ADAMTS12: variants seen among roughly 807,000 people sequenced by gnomAD.
ADAMTS12 encodes A disintegrin and metalloproteinase with thrombospondin motifs 12.
Under a neutral mutation model 167.8 loss-of-function variants are expected in ADAMTS12, and 118 were observed. The observed-to-expected ratio is 0.70, with a 90% CI of 0.61 to 0.82. The LOEUF is 0.82. Among genes scored for constraint, ADAMTS12 ranks in the 40% least tolerant of loss-of-function variants. The pLI is 0.00. For missense variants in ADAMTS12, 1,916 were observed against 1,998.8 expected (o/e 0.96, Z 0.79); for synonymous variants, 704 against 716.9 (o/e 0.98, Z 0.29).
chr5:33,867,949 T>TA (rs1178979997), intron 2 of ADAMTS12, among the ~76,000 whole-genome samples: 2 of 152,124 alleles, frequency 1.3e-5, no homozygotes, highest in Non-Finnish European at 2.9e-5. Context: ...GGTCTCATGA[T>TA]AGGGAGTTGA....
intron 3 of ADAMTS12, among the ~76,000 whole-genome samples, chr5:33,706,817 G>T (rs186196377): frequency 5.9e-5 from 9 of 152,182 alleles, no homozygotes; most frequent in Admixed American, 5.9e-4. Context: ...AATAATAAGA[G>T]CTACTTATGA....
chr5:33,837,434 T>A (rs1748574342), intron 2 of ADAMTS12, among the ~76,000 whole-genome samples: 1 of 152,222 alleles, frequency 6.6e-6, no homozygotes, highest in Non-Finnish European at 1.5e-5. Context: ...GAGAAAGTCC[T>A]CATAAGCACT....
intron 2 of ADAMTS12, among the ~76,000 whole-genome samples, chr5:33,778,661 T>C (rs553902947): frequency 7.4e-4 from 112 of 151,544 alleles, no homozygotes; most frequent in Non-Finnish European, 1.3e-3. Context: ...AAGGTGAAAA[T>C]AGAGAAATTG....
chr5:33,537,254 A>G (rs1744463356), intron 22 of ADAMTS12, among the ~76,000 whole-genome samples: 1 of 152,242 alleles, frequency 6.6e-6, no homozygotes, highest in Admixed American at 6.5e-5. Flanking sequence ...ACTGTAAAGA[A>G]GAGGTTAACA....
intron 3 of ADAMTS12, among the ~76,000 whole-genome samples, chr5:33,721,961 A>G (rs947014393): frequency 2.0e-5 from 3 of 152,228 alleles, no homozygotes; most frequent in African/African-American, 4.8e-5. Context: ...ATAAATAAGC[A>G]GCAGGATCGG....
intron 2 of ADAMTS12, among the ~76,000 whole-genome samples, chr5:33,806,913 C>T (rs1366512825): frequency 2.0e-5 from 3 of 152,186 alleles, no homozygotes; most frequent in Non-Finnish European, 1.5e-5. Context: ...TGGCTCCTGC[C>T]CGCACTCTAA....
At position 33,724,524 on chromosome 5, in the gene ADAMTS12, G is replaced by A. The variant is rs77683070; in HGVS notation, c.634+26880C>T. Among the ~76,000 whole-genome samples the A allele has an allele frequency of 9.1e-3, 1,386 of 151,498 alleles. 18 individuals carry two copies. Among genetic ancestry groups the A allele is most frequent in the African/African-American group, 0.032 (1,325 of 41,310 alleles). ...AGACTGAGGACTTTGTAAACAGCTT[G>A]GTCATCAAGGCTAACAGCTTCTTTT... On this transcript the variant is annotated intron_variant, in intron 3 of 23. Coordinates refer to ENST00000504830, the MANE Select transcript of ADAMTS12 (RefSeq NM_030955.4).
chr5:33,764,315 C>T (rs1344627175), intron 2 of ADAMTS12, among the ~76,000 whole-genome samples: 1 of 152,172 alleles, frequency 6.6e-6, no homozygotes, highest in Non-Finnish European at 1.5e-5. Context: ...GGAACTATAT[C>T]TGAATATGTC....
chr5:33,866,787 A>C (rs1251304079), intron 2 of ADAMTS12, among the ~76,000 whole-genome samples: 2 of 152,142 alleles, frequency 1.3e-5, no homozygotes, highest in Non-Finnish European at 2.9e-5. Context: ...GGCATATGAA[A>C]TGAACAGACA....
At position 33,625,453 on chromosome 5, in the gene ADAMTS12, A is replaced by T. The variant is rs1739541311; in HGVS notation, c.2023-1102T>A. Among the ~76,000 whole-genome samples, 3 of 152,224 alleles carry T rather than the reference A, an allele frequency of 2.0e-5. No individual in the cohort carries two copies. The South Asian group carries it at 6.2e-4, about 32-fold the overall frequency. ...AGCTTGAGCACCCTCTAATAAGCTG[A>T]CATCTACAACCACATTCCCAGTGGC... is the stretch of plus-strand genomic sequence containing the variant. On this transcript the variant is annotated intron_variant, in intron 13 of 23. Transcript: ENST00000504830.
At chr5:33,637,436 T>G in intron 12 of ADAMTS12, 141 bp downstream of exon 12, 1 of 803,494 alleles carries the variant, frequency 1.2e-6, no homozygotes, top group Non-Finnish European at 1.9e-6. Flanking sequence ...GGTCAGTGTT[T>G]CCATCTTCTA....
intron 2 of ADAMTS12, among the ~76,000 whole-genome samples, chr5:33,876,817 T>C (rs2111757773): frequency 6.6e-6 from 1 of 152,372 alleles, no homozygotes; most frequent in Non-Finnish European, 1.5e-5. Context: ...GCTGTGATAC[T>C]GTGCAGTAAT....
chr5:33,697,794 A>AGC (rs1742839411), intron 3 of ADAMTS12, among the ~76,000 whole-genome samples: 2 of 151,338 alleles, frequency 1.3e-5, no homozygotes, highest in Non-Finnish European at 3.0e-5. Context: ...GATTATACGA[A>AGC]CTGACCCCGG....
At chr5:33,799,325 T>A (rs773029353) in intron 2 of ADAMTS12, among the ~76,000 whole-genome samples, 2 of 152,222 alleles carry the variant, frequency 1.3e-5, no homozygotes, top group Non-Finnish European at 2.9e-5. Context: ...CCACAGGACC[T>A]AAATATACTC....
chr5:33,879,986 C>T (rs1750370951), intron 2 of ADAMTS12, among the ~76,000 whole-genome samples: 2 of 152,214 alleles, frequency 1.3e-5, no homozygotes, highest in African/African-American at 2.4e-5. Flanking sequence ...CGGACTCCTC[C>T]ATAACCACTT....
intron 14 of ADAMTS12, among the ~76,000 whole-genome samples, chr5:33,618,377 A>G (rs143170016): frequency 6.6e-6 from 1 of 152,342 alleles, no homozygotes; most frequent in Non-Finnish European, 1.5e-5. Flanking sequence ...GCAGAAATTC[A>G]TTGCAATTTC....
At chr5:33,769,382 G>A (rs1315788705) in intron 2 of ADAMTS12, among the ~76,000 whole-genome samples, 3 of 152,104 alleles carry the variant, frequency 2.0e-5, no homozygotes. Flanking sequence ...ACCAGAATTG[G>A]GTGCCAGCTC....
intron 3 of ADAMTS12, among the ~76,000 whole-genome samples, chr5:33,737,524 T>A (rs1324480668): frequency 6.6e-6 from 1 of 152,204 alleles, no homozygotes; most frequent in Non-Finnish European, 1.5e-5. Flanking sequence ...ATACAAACAC[T>A]ATTGAACTGT....
intron 2 of ADAMTS12, among the ~76,000 whole-genome samples, chr5:33,761,424 T>C (rs1351331024): frequency 1.3e-5 from 2 of 152,212 alleles, no homozygotes; most frequent in East Asian, 1.9e-4. Flanking sequence ...CAGAGGGGAA[T>C]GCCATCTCTG....
Sources: gnomAD v4.1 joint callset for allele counts (sites outside exome capture counted in the v4.1 genomes callset) on GRCh38, gnomAD v4.1.1 for gene constraint, MANE v1.5 for transcripts, NCBI Gene and HGNC (gene_info 2026-07-23, HGNC 2026-07-21) for gene names.